The following FARP1 variants were observed in gnomAD, a reference collection of about 807,000 sequenced individuals.
FARP1 encodes the protein FERM, ARHGEF and pleckstrin domain-containing protein 1.
In FARP1, 52 loss-of-function variants were observed where a neutral mutation model predicts 128.8. That is an observed-to-expected ratio of 0.40 (90% CI 0.32 to 0.51). FARP1 has a LOEUF of 0.51. Ranked by LOEUF, FARP1 falls within the 20% of genes least tolerant of loss-of-function variation. FARP1 has a pLI of 0.45. For missense variants in FARP1, 1,333 were observed against 1,367.9 expected, an observed-to-expected ratio of 0.97 and a Z score of 0.40; for synonymous variants, 580 against 551.8, an observed-to-expected ratio of 1.05 and a Z score of -0.72.
At chr13:98,314,509 A>C (rs1206891645) in intron 2 of FARP1, among the ~76,000 whole-genome samples, 2 of 151,530 alleles carry the variant, frequency 1.3e-5, no homozygotes, top group African/African-American at 4.9e-5. Flanking sequence ...CGATCTCTTG[A>C]CCTCATGATC....
chr13:98,242,732 T>C (rs909605091), intron 2 of FARP1, among the ~76,000 whole-genome samples: 2 of 152,324 alleles, frequency 1.3e-5, no homozygotes, highest in Middle Eastern at 3.4e-3. Flanking sequence ...TGGAAAAACA[T>C]AGTAAAAAAT....
intron 16 of FARP1, among the ~76,000 whole-genome samples, chr13:98,423,170 A>C (rs1891653135): frequency 6.6e-6 from 1 of 152,164 alleles, no homozygotes; most frequent in African/African-American, 2.4e-5. Flanking sequence ...GGTTGTGCCC[A>C]CCCAGATTGA....
At chr13:98,275,500 G>T (rs78698808) in intron 2 of FARP1, among the ~76,000 whole-genome samples, 37,406 of 151,684 alleles carry the variant, frequency 0.25, 5,337 homozygotes, top group South Asian at 0.45. Context: ...TTTTTAATAG[G>T]TTTAATTGTG....
Position 98,453,202 on chromosome 13 carries a change from G to A in FARP1, c.*4885G>A. The A allele has an allele frequency of 6.2e-7, 1 of 1,613,402 alleles. No individual in the cohort carries two copies. The highest frequency in any genetic ancestry group is 8.5e-7 in the Non-Finnish European group (1 of 1,179,744). ...TGGGATGAAGTTCCTCCACCACTTA[G>A]AGAGTATCTAGGGAAAAAGAGAGAG... On this transcript the variant is annotated 3_prime_UTR_variant, in exon 27 of 27. Transcript: ENST00000319562.
At chr13:98,413,822 G>A (rs1000320438) in intron 16 of FARP1, among the ~76,000 whole-genome samples, 12 of 152,216 alleles carry the variant, frequency 7.9e-5, no homozygotes, top group African/African-American at 2.9e-4. Context: ...CCATTTGGCA[G>A]TTTGTTCTCT....
intron 1 of FARP1, among the ~76,000 whole-genome samples, chr13:98,169,112 C>T (rs1310074026): frequency 6.6e-6 from 1 of 152,118 alleles, no homozygotes; most frequent in Non-Finnish European, 1.5e-5. Context: ...ACCGACCTAT[C>T]AGTTTTCTTT....
At chr13:98,365,544 T>C in intron 4 of FARP1, 107 bp downstream of exon 4, 1 of 708,862 alleles carries the variant, frequency 1.4e-6, no homozygotes, top group South Asian at 2.3e-5. Flanking sequence ...ACACAAATTC[T>C]TCTACCCCAT....
chr13:98,162,158 A>G (rs547449480), intron 1 of FARP1, among the ~76,000 whole-genome samples: 1 of 152,240 alleles, frequency 6.6e-6, no homozygotes, highest in East Asian at 1.9e-4. Flanking sequence ...CTTTCTATTA[A>G]AAGTGTTCTT....
intron 17 of FARP1, among the ~76,000 whole-genome samples, chr13:98,430,559 G>C (rs915900213): frequency 6.6e-5 from 10 of 152,238 alleles, no homozygotes; most frequent in African/African-American, 1.7e-4. Flanking sequence ...AGACCTAGCA[G>C]AGGAGGGGCT....
chr13:98,434,887 G>C (rs191774879), intron 18 of FARP1: 2 of 152,276 alleles, frequency 1.3e-5, no homozygotes, highest in African/African-American at 4.8e-5. Context: ...CCAGCTACTC[G>C]GGAGGCTGAG....
chr13:98,452,984 C>A lies in FARP1; in HGVS notation c.*4667C>A. On this transcript the variant is annotated 3_prime_UTR_variant, in exon 27 of 27. Transcript: ENST00000319562. ...GAAGGAGCTGACCCTCCCCACCCATCTGAGAGACTTCATCTGGCTGCAGCA... is the reference window on the plus strand; with the variant it reads ...GAAGGAGCTGACCCTCCCCACCCATATGAGAGACTTCATCTGGCTGCAGCA... 1.9e-6 allele frequency: 1 copy of A among 534,432 alleles called. No individual in the cohort carries two copies. Among genetic ancestry groups the A allele is most frequent in the Non-Finnish European group, 3.3e-6 (1 of 305,836 alleles). The allele number at this position is 534,432 out of a possible 1,614,324, so 33.1% of individuals were successfully genotyped here.
At chr13:98,319,797 A>C (rs1435356942) in intron 2 of FARP1, among the ~76,000 whole-genome samples, 1 of 152,214 alleles carries the variant, frequency 6.6e-6, no homozygotes, top group Non-Finnish European at 1.5e-5. Context: ...AGCAAAACCA[A>C]GTCCAGTCTT....
At chr13:98,245,561 G>C (rs1883007414) in intron 2 of FARP1, among the ~76,000 whole-genome samples, 1 of 152,202 alleles carries the variant, frequency 6.6e-6, no homozygotes, top group Admixed American at 6.5e-5. Flanking sequence ...CTTCCTAAAG[G>C]AAGTGGATGA....
At position 98,351,769 on chromosome 13, in the gene FARP1, G is replaced by A. The variant is rs536252127; in HGVS notation, c.276+7903G>A. The stretch of plus-strand genomic sequence containing the variant: ...TGCTGCAAGAGAGAGAGCAATTGGG[G>A]GTGGGGAGGCACCACACACAAACAG... On this transcript the variant is annotated intron_variant, in intron 3 of 26. Transcript: ENST00000319562. Among the ~76,000 whole-genome samples the A allele has an allele frequency of 9.9e-5, 15 of 152,188 alleles. 1 individual carries two copies. The South Asian group carries it at 3.1e-3, about 32-fold the overall frequency.
At chr13:98,420,731 A>G (rs1275866659) in intron 16 of FARP1, among the ~76,000 whole-genome samples, 1 of 152,216 alleles carries the variant, frequency 6.6e-6, no homozygotes, top group East Asian at 1.9e-4. Context: ...CCTTGCAGAC[A>G]AGGACCCCTT....
chr13:98,441,387 C>G (rs551355874), intron 24 of FARP1, among the ~76,000 whole-genome samples: 61 of 152,238 alleles, frequency 4.0e-4, no homozygotes, highest in Admixed American at 6.5e-4. Flanking sequence ...TGGGAGCCTT[C>G]AGAATGAAGA....
At chr13:98,377,959 A>G in intron 6 of FARP1, 41 bp downstream of exon 6, 3 of 1,383,348 alleles carry the variant, frequency 2.2e-6, no homozygotes, top group Middle Eastern at 1.8e-4. Context: ...TGTTCAAAAT[A>G]ACACAGTGAT....
At chr13:98,217,530 C>T (rs1209886178) in intron 2 of FARP1, among the ~76,000 whole-genome samples, 1 of 152,166 alleles carries the variant, frequency 6.6e-6, no homozygotes, top group Admixed American at 6.5e-5. Flanking sequence ...GCTTTTGTAG[C>T]TCCTGAGACT....
At chr13:98,235,879 A>G (rs1054798423) in intron 2 of FARP1, among the ~76,000 whole-genome samples, 4 of 146,320 alleles carry the variant, frequency 2.7e-5, no homozygotes, top group Non-Finnish European at 4.4e-5. Context: ...GCTGGAATGT[A>G]ATGGTGTGAT....
Sources: gnomAD v4.1 joint callset for allele counts (sites outside exome capture counted in the v4.1 genomes callset) on GRCh38, gnomAD v4.1.1 for gene constraint, MANE v1.5 for transcripts, NCBI Gene and HGNC (gene_info 2026-07-23, HGNC 2026-07-21) for gene names.